Variants in APLF observed in about 807,000 individuals in gnomAD.
APLF encodes the protein aprataxin and PNKP like factor, also known as aprataxin and PNK-like factor.
APLF carries 61 observed loss-of-function variants against 55.6 expected under a neutral mutation model. The ratio of observed to expected loss-of-function variants is 1.10; its 90% CI spans 0.89 to 1.36. The LOEUF (loss-of-function observed/expected upper bound fraction) is 1.36. Among genes scored for constraint, APLF ranks in the 40% most tolerant of loss-of-function variants. APLF has a pLI of 0.00. For synonymous variants in APLF, 207 were observed against 214.8 expected, an observed-to-expected ratio of 0.96 and a Z score of 0.32; for missense variants, 611 against 602.5, an observed-to-expected ratio of 1.01 and a Z score of -0.15.
chr2:68,511,789 C>T (rs1669380865), intron 3 of APLF, among the ~76,000 whole-genome samples: 1 of 151,640 alleles, frequency 6.6e-6, no homozygotes, highest in Non-Finnish European at 1.5e-5. Context: ...CAGCACCTGG[C>T]ACAGTGTTTG....
chr2:68,492,971 A>G (rs1676417868), intron 2 of APLF, among the ~76,000 whole-genome samples: 1 of 152,138 alleles, frequency 6.6e-6, no homozygotes, highest in Non-Finnish European at 1.5e-5. Flanking sequence ...TTAGAATGTC[A>G]TAGCCTTCTG....
At chr2:68,531,427 G>A (rs1670252987) in intron 6 of APLF, 1 of 152,162 alleles carries the variant, frequency 6.6e-6, no homozygotes, top group Non-Finnish European at 1.5e-5. Context: ...ATCTACCTTA[G>A]AGGTTAGTCT....
Position 68,529,164 on chromosome 2 carries a change from A to T in APLF, c.804+2922A>T. 7.7e-7 allele frequency: 1 copy of T among 1,298,446 alleles called. No individual in the cohort carries two copies. The allele number at this position is 1,298,446 out of a possible 1,614,324, so 80.4% of individuals were successfully genotyped here. A position where few individuals can be genotyped will look rare whatever the true frequency, so the allele number is the denominator to read the frequency against. ...GCAGACAGCACGGGTTTCTTCCTTG[A>T]GGGGGGGCTCCAGACAACAGGAGGC... On this transcript the variant is annotated intron_variant, in intron 6 of 9. Coordinates refer to ENST00000303795, the MANE Select transcript of APLF (RefSeq NM_173545.3). The surrounding 1 kb of genome is among the most constrained non-coding windows in gnomAD (Gnocchi z 4.4).
chr2:68,505,054 T>C (rs1179283074), intron 3 of APLF, among the ~76,000 whole-genome samples: 1 of 152,110 alleles, frequency 6.6e-6, no homozygotes, highest in Non-Finnish European at 1.5e-5. Context: ...GTGCATTTCA[T>C]ATATAAATTA....
chr2:68,567,191 T>C, intron 8 of APLF, 150 bp from the exon 9 acceptor site: 1 of 626,804 alleles, frequency 1.6e-6, no homozygotes, highest in South Asian at 2.1e-5. Context: ...ACACAGGAAA[T>C]ATTGTAATTA....
At chr2:68,507,386 G>A (rs982730776) in intron 3 of APLF, among the ~76,000 whole-genome samples, 1 of 151,796 alleles carries the variant, frequency 6.6e-6, no homozygotes, top group Non-Finnish European at 1.5e-5. Context: ...ACATTAAAAT[G>A]TTTTTTATAT....
intron 7 of APLF, among the ~76,000 whole-genome samples, chr2:68,543,127 A>C (rs1343950822): frequency 6.6e-6 from 1 of 152,130 alleles, no homozygotes; most frequent in Non-Finnish European, 1.5e-5. Context: ...AATGGCAGTT[A>C]CCAGTGCCTG....
chr2:68,470,251 T>C (rs1038529241), intron 1 of APLF, among the ~76,000 whole-genome samples: 2 of 152,172 alleles, frequency 1.3e-5, no homozygotes, highest in African/African-American at 4.8e-5. Context: ...ATCATTGAAA[T>C]TGCGAAATTG....
intron 7 of APLF, 123 bp downstream of exon 7, chr2:68,538,350 C>A: frequency 1.3e-6 from 1 of 783,788 alleles, no homozygotes; most frequent in Non-Finnish European, 1.9e-6. Context: ...GGGGCTTTAT[C>A]GTGTTTCTAC....
chr2:68,554,007 G>A (rs533507038), intron 8 of APLF, among the ~76,000 whole-genome samples: 30 of 152,102 alleles, frequency 2.0e-4, no homozygotes, highest in Non-Finnish European at 3.4e-4. Flanking sequence ...TGTATGCCAT[G>A]TTAGATAATC....
chr2:68,528,992 T>G (rs1298316885), intron 6 of APLF: 2 of 1,516,028 alleles, frequency 1.3e-6, no homozygotes, highest in Non-Finnish European at 1.8e-6. Context: ...CTCCGTTGCT[T>G]CTTTGGGCTC....
At chr2:68,521,523 T>G (rs185406683) in intron 5 of APLF, among the ~76,000 whole-genome samples, 26 of 152,040 alleles carry the variant, frequency 1.7e-4, no homozygotes, top group African/African-American at 5.8e-4. Context: ...AAATGTCCAT[T>G]AGTGATGGAG....
intron 1 of APLF, among the ~76,000 whole-genome samples, chr2:68,483,641 A>G (rs1676036058): frequency 6.6e-6 from 1 of 152,188 alleles, no homozygotes; most frequent in African/African-American, 2.4e-5. Context: ...TTATATAATT[A>G]TCTTAACCTT....
chr2:68,559,431 G>A (rs6546418), intron 8 of APLF, among the ~76,000 whole-genome samples: 34,228 of 151,966 alleles, frequency 0.23, 5,973 homozygotes, highest in African/African-American at 0.5. Flanking sequence ...ATATGTTTAA[G>A]TGCCTCCACT....
At chr2:68,518,740 A>G (rs1370255266) in intron 5 of APLF, among the ~76,000 whole-genome samples, 2 of 125,968 alleles carry the variant, frequency 1.6e-5, no homozygotes, top group African/African-American at 3.1e-5. Context: ...TATCATGAAT[A>G]TATCATTAAT....
intron 9 of APLF, among the ~76,000 whole-genome samples, chr2:68,573,115 A>G: frequency 6.6e-6 from 1 of 152,202 alleles, no homozygotes; most frequent in Non-Finnish European, 1.5e-5. Flanking sequence ...TGTTGTTTTA[A>G]ACATGTTAAA....
At chr2:68,544,315 G>GA (rs1253451163) in intron 7 of APLF, among the ~76,000 whole-genome samples, 1 of 152,016 alleles carries the variant, frequency 6.6e-6, no homozygotes, top group Non-Finnish European at 1.5e-5. Flanking sequence ...GACTTTTTGT[G>GA]AATGCCTTTT....
At chr2:68,518,821 A>G (rs1354355544) in intron 5 of APLF, among the ~76,000 whole-genome samples, 4 of 126,324 alleles carry the variant, frequency 3.2e-5, no homozygotes, top group Admixed American at 8.8e-5. Flanking sequence ...ATAAAATATT[A>G]GTAATATATC....
chr2:68,491,207 T>G (rs1212620675), intron 2 of APLF, among the ~76,000 whole-genome samples: 2 of 152,206 alleles, frequency 1.3e-5, no homozygotes, highest in Non-Finnish European at 2.9e-5. Flanking sequence ...CTTATTGTCT[T>G]GAAAAAGTGT....
Sources: gnomAD v4.1 joint callset for allele counts (sites outside exome capture counted in the v4.1 genomes callset) on GRCh38, gnomAD v4.1.1 for gene constraint, Gnocchi (gnomAD v3.1) non-coding constraint, MANE v1.5 for transcripts, NCBI Gene and HGNC (gene_info 2026-07-23, HGNC 2026-07-21) for gene names.